The following PTPRD variants were observed in gnomAD, a reference collection of about 807,000 sequenced individuals.
PTPRD encodes protein tyrosine phosphatase receptor type D, also known as receptor-type tyrosine-protein phosphatase delta.
In PTPRD, 34 loss-of-function variants were observed where a neutral mutation model predicts 214.5. That is an observed-to-expected ratio of 0.16 (90% CI 0.12 to 0.21). PTPRD has a LOEUF of 0.21. Among genes scored for constraint, PTPRD ranks in the 10% least tolerant of loss-of-function variants. PTPRD has a pLI of 1.00. For missense variants in PTPRD, 2,545 were observed against 2,398.7 expected (o/e 1.06, Z -1.27); for synonymous variants, 1,128 against 845.7 (o/e 1.33, Z -5.79).
At chr9:10,157,622 T>A (rs1199215177) in intron 3 of PTPRD, among the ~76,000 whole-genome samples, 1 of 152,180 alleles carries the variant, frequency 6.6e-6, no homozygotes, top group Non-Finnish European at 1.5e-5. Flanking sequence ...TTGGAAATGA[T>A]CTTCTTGTGA....
intron 5 of PTPRD, among the ~76,000 whole-genome samples, chr9:9,924,725 G>T (rs1255202657): frequency 1.3e-5 from 2 of 151,964 alleles, no homozygotes; most frequent in East Asian, 3.9e-4. Flanking sequence ...ATTGTCCTTC[G>T]TATCTCTAAA....
At chr9:10,485,748 A>AT (rs35153234) in intron 2 of PTPRD, among the ~76,000 whole-genome samples, 2,311 of 151,642 alleles carry the variant, frequency 0.015, 54 homozygotes, top group African/African-American at 0.053. Flanking sequence ...CAGTTCTAGT[A>AT]TTTTTTTTGG....
chr9:8,948,495 A>T (rs1228477390), intron 11 of PTPRD, among the ~76,000 whole-genome samples: 21 of 49,854 alleles, frequency 4.2e-4, no homozygotes, highest in African/African-American at 5.0e-4. Context: ...ATATATATTT[A>T]TATATATATT....
At chr9:9,509,815 A>G (rs906990344) in intron 8 of PTPRD, among the ~76,000 whole-genome samples, 4 of 147,942 alleles carry the variant, frequency 2.7e-5, no homozygotes, top group South Asian at 2.2e-4. Context: ...AAAAAAAAAC[A>G]TTAAAAAATA....
intron 3 of PTPRD, among the ~76,000 whole-genome samples, chr9:10,038,517 C>A (rs2097231733): frequency 6.6e-6 from 1 of 152,014 alleles, no homozygotes. Context: ...CTTCTGATAT[C>A]TTATGTAGTT....
At chr9:8,789,884 G>A (rs1226415117) in intron 11 of PTPRD, among the ~76,000 whole-genome samples, 1 of 152,148 alleles carries the variant, frequency 6.6e-6, no homozygotes, top group African/African-American at 2.4e-5. Context: ...TTTGAATCTG[G>A]AGGGTAGAAA....
chr9:8,775,083 G>C (rs1216575885), intron 11 of PTPRD, among the ~76,000 whole-genome samples: 1 of 152,122 alleles, frequency 6.6e-6, no homozygotes, highest in Non-Finnish European at 1.5e-5. Context: ...GATGCCTTAA[G>C]TGATGCAGGT....
chr9:8,533,479 G>T (rs1374508233), intron 14 of PTPRD, among the ~76,000 whole-genome samples: 1 of 151,930 alleles, frequency 6.6e-6, no homozygotes, highest in Admixed American at 6.6e-5. Context: ...TAAAAATTTG[G>T]CAAGTATACC....
chr9:9,476,252 A>C (rs1445851100), intron 8 of PTPRD, among the ~76,000 whole-genome samples: 2 of 152,146 alleles, frequency 1.3e-5, no homozygotes, highest in Non-Finnish European at 2.9e-5. Flanking sequence ...TATATTTTTT[A>C]CTGGATTTTG....
rs372946916 is a variant in PTPRD at position 10,312,940 on chromosome 9, A to G, written c.-545+28023T>C. 8.3e-4 allele frequency among the ~76,000 whole-genome samples: 127 copies of G among 152,142 alleles called. 3 individuals are homozygous for G. In the South Asian group the frequency reaches 0.022, roughly 27 times the overall value. On this transcript the variant is annotated intron_variant, in intron 3 of 45. Transcript: ENST00000381196. ...ATTCTTGGTAACTATAATTACATAC[A>G]GAGTAAAACAAACCCATCCTTTAGT...
At chr9:9,024,214 A>G (rs1422202675) in intron 10 of PTPRD, among the ~76,000 whole-genome samples, 1 of 151,754 alleles carries the variant, frequency 6.6e-6, no homozygotes, top group Non-Finnish European at 1.5e-5. Flanking sequence ...TTCCATGAGT[A>G]TTTTTAAATA....
At chr9:10,083,013 C>A (rs2098269245) in intron 3 of PTPRD, among the ~76,000 whole-genome samples, 1 of 151,982 alleles carries the variant, frequency 6.6e-6, no homozygotes, top group Admixed American at 6.6e-5. Context: ...GACTTTCTCC[C>A]TCTTTAATTT....
chr9:8,567,451 T>G (rs140298272), intron 14 of PTPRD, among the ~76,000 whole-genome samples: 1 of 152,302 alleles, frequency 6.6e-6, no homozygotes, highest in Non-Finnish European at 1.5e-5. Context: ...TGGGCACATG[T>G]CCTTCTTCAC....
intron 3 of PTPRD, among the ~76,000 whole-genome samples, chr9:10,173,957 C>A (rs1382274299): frequency 4.6e-5 from 7 of 152,016 alleles, no homozygotes; most frequent in Non-Finnish European, 5.9e-5. Context: ...GAGGAAAATT[C>A]TTTCCTACCA....
In PTPRD at chr9:8,542,128, A is replaced by T. The variant is rs147526345; in HGVS notation, c.353-13349T>A. On this transcript the variant is annotated intron_variant, in intron 14 of 45. Transcript: ENST00000381196. ...TTTCAGGCAAAACCTGAGGGCATAC[A>T]TAAAGGATTGCGATCTTTTTCCAAA... Among the ~76,000 whole-genome samples the T allele has an allele frequency of 2.7e-3, 407 of 152,322 alleles. 1 individual carries two copies. The highest frequency in any genetic ancestry group is 9.4e-3 in the African/African-American group (390 of 41,572).
In PTPRD at chr9:10,190,405, AAAAAAAAAAAAAAAAC is replaced by A. The variant is rs1564421729; in HGVS notation, c.-545+150542_-545+150557del. ...TCTCCAGAAAAAAAAAAAAAAAAAA[AAAAAAAAAAAAAAAAC>A]AAAAAGTCAAAGTGGGCCAGGCGCT... is the stretch of plus-strand genomic sequence containing the variant. On this transcript the variant is annotated intron_variant, in intron 3 of 45. Coordinates refer to ENST00000381196, the MANE Select transcript of PTPRD (RefSeq NM_002839.4). 6.1e-4 allele frequency among the ~76,000 whole-genome samples: 83 copies of A among 136,054 alleles called. 1 individual carries two copies. Among genetic ancestry groups the A allele is most frequent in the African/African-American group, 2.1e-3 (73 of 35,508 alleles). The allele number at this position is 136,054 out of a possible 152,430, so 89.3% of individuals were successfully genotyped here.
chr9:8,478,578 A>C (rs2381805), intron 30 of PTPRD, among the ~76,000 whole-genome samples: 1 of 151,936 alleles, frequency 6.6e-6, no homozygotes, highest in Non-Finnish European at 1.5e-5. Context: ...AAGTCACAGA[A>C]GTTCCCTATG....
intron 14 of PTPRD, among the ~76,000 whole-genome samples, chr9:8,610,819 T>C (rs1374494765): frequency 2.6e-5 from 4 of 152,210 alleles, no homozygotes; most frequent in African/African-American, 9.6e-5. Flanking sequence ...CATATAATCA[T>C]TTCATTAAAC....
chr9:9,969,459 A>G lies in PTPRD; in HGVS notation c.-471-30849T>C, dbSNP rs2094940450. On this transcript the variant is annotated intron_variant, in intron 4 of 45. Transcript: ENST00000381196. ...TGACAGGAATTGATTTCATATTAAA[A>G]ATCTCAGGTATGCAGAAATGCAACT... Among the ~76,000 whole-genome samples, 3 of 152,182 alleles carry G rather than the reference A, an allele frequency of 2.0e-5. No homozygotes were observed. The South Asian group carries it at 6.2e-4, about 32-fold the overall frequency.
Sources: allele counts gnomAD v4.1 joint callset (sites outside exome capture counted in the v4.1 genomes callset), GRCh38; gene constraint gnomAD v4.1.1; transcripts MANE v1.5; gene names NCBI Gene and HGNC (gene_info 2026-07-23, HGNC 2026-07-21).